CSMD1: variants seen among roughly 807,000 people sequenced by gnomAD.
CSMD1 encodes the protein CUB and sushi domain-containing protein 1.
CSMD1 carries 213 observed loss-of-function variants against 417.5 expected under a neutral mutation model. The observed-to-expected ratio is 0.51, with a 90% CI of 0.46 to 0.57. The LOEUF (loss-of-function observed/expected upper bound fraction) is 0.57, where lower values mean the gene tolerates loss of function less well. CSMD1 is among the 20% of genes least tolerant of loss of function. The probability of loss-of-function intolerance (pLI) is 0.00; values close to 1 mark genes in which losing one functional copy is unlikely to be tolerated. For missense variants in CSMD1, 6,923 were observed against 4,529.7 expected, an observed-to-expected ratio of 1.53 and a Z score of -15.17; for synonymous variants, 2,862 against 1,736.8, an observed-to-expected ratio of 1.65 and a Z score of -16.11.
chr8:3,216,070 G>A (rs897411529), intron 29 of CSMD1, among the ~76,000 whole-genome samples: 2 of 148,830 alleles, frequency 1.3e-5, no homozygotes, highest in African/African-American at 4.9e-5. Flanking sequence ...ATATATATAA[G>A]TTTTCTCATT....
At chr8:4,869,603 TCA>T (rs1322197199) in intron 1 of CSMD1, among the ~76,000 whole-genome samples, 2 of 152,062 alleles carry the variant, frequency 1.3e-5, no homozygotes, top group Non-Finnish European at 2.9e-5. Context: ...TAGTTAATGA[TCA>T]CATTCTTTAA....
At chr8:4,923,972 T>G (rs145654208) in intron 1 of CSMD1, among the ~76,000 whole-genome samples, 1 of 152,338 alleles carries the variant, frequency 6.6e-6, no homozygotes, top group East Asian at 1.9e-4. Context: ...ATCTGAATCA[T>G]CCTTTGATAG....
intron 3 of CSMD1, among the ~76,000 whole-genome samples, chr8:4,416,292 C>G (rs1047374570): frequency 2.0e-5 from 3 of 152,126 alleles, no homozygotes; most frequent in African/African-American, 7.2e-5. Context: ...ATACAATTAA[C>G]TTCCGAAAAA....
chr8:4,342,836 G>C (rs927613814), intron 3 of CSMD1, among the ~76,000 whole-genome samples: 7 of 151,974 alleles, frequency 4.6e-5, no homozygotes, highest in African/African-American at 1.2e-4. Flanking sequence ...GAAAAAGCAG[G>C]AAGTGAGTCA....
At chr8:4,740,464 G>T (rs904085319) in intron 1 of CSMD1, among the ~76,000 whole-genome samples, 1 of 152,150 alleles carries the variant, frequency 6.6e-6, no homozygotes, top group African/African-American at 2.4e-5. Context: ...GTAGAGACAG[G>T]CTGGGATGTG....
At chr8:3,617,572 C>T (rs1293584789) in intron 7 of CSMD1, among the ~76,000 whole-genome samples, 5 of 152,102 alleles carry the variant, frequency 3.3e-5, no homozygotes, top group Admixed American at 2.6e-4. Context: ...GGAAACATTA[C>T]AGGATGCTAA....
chr8:3,259,894 C>G (rs192408823), intron 26 of CSMD1, among the ~76,000 whole-genome samples: 179 of 152,166 alleles, frequency 1.2e-3, no homozygotes, highest in Non-Finnish European at 1.9e-3. Context: ...ACATGAAATT[C>G]AAACACATCT....
intron 3 of CSMD1, among the ~76,000 whole-genome samples, chr8:4,137,233 G>A (rs1438180357): frequency 6.6e-6 from 1 of 152,118 alleles, no homozygotes; most frequent in Non-Finnish European, 1.5e-5. Flanking sequence ...AATTCTCCAT[G>A]ATGCCTCTTT....
At chr8:4,934,585 A>G (rs1807470736) in intron 1 of CSMD1, among the ~76,000 whole-genome samples, 1 of 152,178 alleles carries the variant, frequency 6.6e-6, no homozygotes, top group African/African-American at 2.4e-5. Flanking sequence ...GAAAGGACAC[A>G]GGCCCAATAT....
intron 23 of CSMD1, among the ~76,000 whole-genome samples, chr8:3,320,911 C>A (rs1419977471): frequency 6.6e-6 from 1 of 152,154 alleles, no homozygotes; most frequent in Non-Finnish European, 1.5e-5. Context: ...CCTCACTGAC[C>A]GTAAAGCGTT....
At chr8:3,192,324 G>C (rs1299924527) in intron 33 of CSMD1, among the ~76,000 whole-genome samples, 1 of 152,158 alleles carries the variant, frequency 6.6e-6, no homozygotes, top group Non-Finnish European at 1.5e-5. Flanking sequence ...TGGAATTCTT[G>C]TAGGTGTTGG....
At chr8:4,928,646 G>A (rs1342676492) in intron 1 of CSMD1, among the ~76,000 whole-genome samples, 1 of 152,148 alleles carries the variant, frequency 6.6e-6, no homozygotes, top group Non-Finnish European at 1.5e-5. Context: ...GGGCTGACAG[G>A]AATTCATTGT....
At chr8:3,549,746 C>G (rs932773920) in intron 10 of CSMD1, among the ~76,000 whole-genome samples, 17 of 152,072 alleles carry the variant, frequency 1.1e-4, no homozygotes, top group African/African-American at 3.9e-4. Context: ...GAAGGCGATC[C>G]CCAGATACAG....
At chr8:3,841,493 T>G (rs1563135215) in intron 5 of CSMD1, among the ~76,000 whole-genome samples, 1 of 152,190 alleles carries the variant, frequency 6.6e-6, no homozygotes, top group Non-Finnish European at 1.5e-5. Context: ...CCCTTTTCAT[T>G]GCTCTTCTAT....
At chr8:4,437,547 G>C (rs761808111) in intron 2 of CSMD1, among the ~76,000 whole-genome samples, 1 of 152,096 alleles carries the variant, frequency 6.6e-6, no homozygotes, top group Non-Finnish European at 1.5e-5. Flanking sequence ...TTATATTACA[G>C]TTTCTGCAGA....
intron 1 of CSMD1, among the ~76,000 whole-genome samples, chr8:4,951,575 AAAG>A (rs1380187871): frequency 1.4e-5 from 1 of 72,020 alleles, no homozygotes; most frequent in Non-Finnish European, 3.4e-5. Context: ...ATAAAAAAGA[AAAG>A]AAGCAAAAAA....
chr8:3,736,845 G>C (rs1289200411), intron 6 of CSMD1, among the ~76,000 whole-genome samples: 1 of 152,192 alleles, frequency 6.6e-6, no homozygotes, highest in East Asian at 1.9e-4. Flanking sequence ...TGTTACGTAT[G>C]TCTACATATG....
chr8:4,116,679 G>A (rs1042272204), intron 3 of CSMD1, among the ~76,000 whole-genome samples: 21 of 152,154 alleles, frequency 1.4e-4, no homozygotes, highest in East Asian at 1.2e-3. Flanking sequence ...ATGTACGAGT[G>A]CAGGTGCCTG....
intron 10 of CSMD1, among the ~76,000 whole-genome samples, chr8:3,534,606 G>T (rs891549836): frequency 4.6e-5 from 7 of 151,726 alleles, no homozygotes; most frequent in African/African-American, 1.7e-4. Context: ...TGTTTCCTAA[G>T]GGCTTTTCTG....
Sources: allele counts gnomAD v4.1 joint callset (sites outside exome capture counted in the v4.1 genomes callset), GRCh38; gene constraint gnomAD v4.1.1; transcripts MANE v1.5; gene names NCBI Gene and HGNC (gene_info 2026-07-23, HGNC 2026-07-21).